Variants in NDUFA5 observed in about 807,000 individuals in gnomAD.
The protein encoded by NDUFA5 is NADH dehydrogenase [ubiquinone] 1 alpha subcomplex subunit 5.
Under a neutral mutation model 19.8 loss-of-function variants are expected in NDUFA5, and 11 were observed. That is an observed-to-expected ratio of 0.56 (90% CI 0.35 to 0.92). The LOEUF is 0.92. Among genes scored for constraint, NDUFA5 ranks in the 40% least tolerant of loss-of-function variants. The pLI, the probability that NDUFA5 is intolerant of heterozygous loss-of-function variation, is 0.01. For synonymous variants in NDUFA5, 47 were observed against 46.8 expected, an observed-to-expected ratio of 1.00 and a Z score of -0.01; for missense variants, 109 against 134.2, an observed-to-expected ratio of 0.81 and a Z score of 0.93.
chr7:123,562,744 C>T (rs1046634928), upstream of NDUFA5, among the ~76,000 whole-genome samples: 1 of 151,452 alleles, frequency 6.6e-6, no homozygotes, highest in African/African-American at 2.4e-5. Flanking sequence ...GTCACTAAAA[C>T]TTTCTCCATA....
chr7:123,573,046 T>C, the NDUFA5 span, among the ~76,000 whole-genome samples: 1 of 152,152 alleles, frequency 6.6e-6, no homozygotes, highest in Non-Finnish European at 1.5e-5. Flanking sequence ...TCAGTAAATT[T>C]TTAGCTTCTT....
chr7:123,545,498 T>C (rs1388411675), intron 4 of NDUFA5, 113 bp downstream of exon 4: 1 of 788,342 alleles, frequency 1.3e-6, no homozygotes, highest in Non-Finnish European at 2.2e-6. Context: ...TGATTAGTCT[T>C]ACATATTTGA....
At chr7:123,573,977 C>T in the NDUFA5 span, among the ~76,000 whole-genome samples, 1 of 151,898 alleles carries the variant, frequency 6.6e-6, no homozygotes, top group Non-Finnish European at 1.5e-5. Context: ...TTCATTAGGT[C>T]GCTTTTATAA....
the NDUFA5 span, among the ~76,000 whole-genome samples, chr7:123,594,746 C>T: frequency 6.6e-6 from 1 of 152,134 alleles, no homozygotes; most frequent in African/African-American, 2.4e-5. Flanking sequence ...GGGTCAGGGA[C>T]CCACTTAAGG....
upstream of NDUFA5, among the ~76,000 whole-genome samples, chr7:123,560,748 A>G (rs1318649368): frequency 6.6e-6 from 1 of 152,122 alleles, no homozygotes; most frequent in Non-Finnish European, 1.5e-5. Flanking sequence ...GTCCCTTTTT[A>G]TAAGGCCACT....
At chr7:123,565,496 A>T in the NDUFA5 span, among the ~76,000 whole-genome samples, 4 of 152,226 alleles carry the variant, frequency 2.6e-5, no homozygotes, top group African/African-American at 9.6e-5. Flanking sequence ...GTTTTTATAT[A>T]CCATATTTGT....
chr7:123,581,891 T>TA, the NDUFA5 span, among the ~76,000 whole-genome samples: 3 of 152,048 alleles, frequency 2.0e-5, no homozygotes, highest in Non-Finnish European at 2.9e-5. Context: ...GCAAACCATT[T>TA]AAAACTATAT....
chr7:123,591,958 T>C, the NDUFA5 span, among the ~76,000 whole-genome samples: 3 of 152,202 alleles, frequency 2.0e-5, no homozygotes, highest in Non-Finnish European at 4.4e-5. Flanking sequence ...AGGCTATTAA[T>C]TAATGCCTCA....
At chr7:123,545,579 C>T (rs1798099762) in intron 4 of NDUFA5, 32 bp downstream of exon 4, 2 of 1,571,650 alleles carry the variant, frequency 1.3e-6, no homozygotes, top group Non-Finnish European at 1.7e-6. Flanking sequence ...CTCTATGAAA[C>T]CAAACACCTA....
the NDUFA5 span, among the ~76,000 whole-genome samples, chr7:123,576,257 T>G: frequency 1.3e-5 from 2 of 151,922 alleles, no homozygotes; most frequent in African/African-American, 4.8e-5. Context: ...TTTAATTTGA[T>G]CTTCCTCTAT....
At chr7:123,564,892 G>GACACACACACACACAC in the NDUFA5 span, among the ~76,000 whole-genome samples, 1,010 of 147,594 alleles carry the variant, frequency 6.8e-3, 10 homozygotes, top group African/African-American at 0.024. Flanking sequence ...GAAGCATCTG[G>GACACACACACACACAC]ACACACACAC....
the NDUFA5 span, among the ~76,000 whole-genome samples, chr7:123,565,093 A>G: frequency 1.3e-5 from 2 of 152,184 alleles, no homozygotes; most frequent in Non-Finnish European, 2.9e-5. Context: ...GTCCAAGCCC[A>G]AAAGCCTGAA....
chr7:123,589,301 T>TTTATTATTATTA, the NDUFA5 span, among the ~76,000 whole-genome samples: 746 of 147,480 alleles, frequency 5.1e-3, 4 homozygotes, highest in African/African-American at 0.017. Context: ...CTTTCATCTC[T>TTTATTATTATTA]TTATTATTAT....
At chr7:123,590,643 T>C in the NDUFA5 span, among the ~76,000 whole-genome samples, 1 of 152,148 alleles carries the variant, frequency 6.6e-6, no homozygotes, top group Non-Finnish European at 1.5e-5. Context: ...ATGTGTGGTG[T>C]TATTTCTGAG....
At chr7:123,584,208 A>G in the NDUFA5 span, among the ~76,000 whole-genome samples, 1 of 151,456 alleles carries the variant, frequency 6.6e-6, no homozygotes, top group Admixed American at 6.6e-5. Flanking sequence ...CATGATCCAA[A>G]CTGAGTTCCA....
the NDUFA5 span, among the ~76,000 whole-genome samples, chr7:123,601,381 A>G: frequency 2.0e-5 from 3 of 152,188 alleles, no homozygotes; most frequent in Non-Finnish European, 4.4e-5. Flanking sequence ...GCAATTATTA[A>G]ACAAAAATCA....
chr7:123,574,622 C>G, the NDUFA5 span, among the ~76,000 whole-genome samples: 3 of 152,172 alleles, frequency 2.0e-5, no homozygotes, highest in African/African-American at 7.2e-5. Context: ...ATCATATCTA[C>G]ATTCCCAAGT....
the NDUFA5 span, among the ~76,000 whole-genome samples, chr7:123,593,284 A>G: frequency 6.6e-6 from 1 of 152,034 alleles, no homozygotes; most frequent in African/African-American, 2.4e-5. Context: ...TAAGGTTAAT[A>G]TTGTTATGTG....
chr7:123,580,586 C>A, the NDUFA5 span, among the ~76,000 whole-genome samples: 11 of 151,992 alleles, frequency 7.2e-5, no homozygotes, highest in African/African-American at 2.4e-4. Flanking sequence ...CATATGAAAA[C>A]CCAGAACTGC....
Sources: gnomAD v4.1 joint callset for allele counts (sites outside exome capture counted in the v4.1 genomes callset) on GRCh38, gnomAD v4.1.1 for gene constraint, MANE v1.5 for transcripts, NCBI Gene and HGNC (gene_info 2026-07-23, HGNC 2026-07-21) for gene names.